Variants in ZFAT observed in about 807,000 individuals in gnomAD.
ZFAT encodes the protein zinc finger and AT-hook domain containing.
ZFAT carries 64 observed loss-of-function variants against 117.7 expected under a neutral mutation model. The observed-to-expected ratio is 0.54, with a 90% CI of 0.44 to 0.67. The LOEUF (loss-of-function observed/expected upper bound fraction) is 0.67. Ranked by LOEUF, ZFAT falls within the 30% of genes least tolerant of loss-of-function variation. The pLI, the probability that ZFAT is intolerant of heterozygous loss-of-function variation, is 0.00. For synonymous variants in ZFAT, 679 were observed against 615.0 expected (o/e 1.10, Z -1.54); for missense variants, 1,433 against 1,584.5 (o/e 0.90, Z 1.62).
In ZFAT at chr8:134,637,871, T is replaced by C. The variant is rs16905207; in HGVS notation, c.197-159A>G. Among the ~76,000 whole-genome samples, 325 of 152,326 alleles carry C rather than the reference T, an allele frequency of 2.1e-3. 2 individuals carry two copies. Among genetic ancestry groups the C allele is most frequent in the Middle Eastern group, 6.8e-3 (2 of 294 alleles). On this transcript the variant is annotated intron_variant, in intron 2 of 15. Transcript: ENST00000377838. Reference sequence around the variant, plus strand: ...CATTAACAGCTGCAAACAATTATCGTTGGTGCTAATATCATTGCATCTGTG... The same window carrying C: ...CATTAACAGCTGCAAACAATTATCGCTGGTGCTAATATCATTGCATCTGTG...
chr8:134,587,893 C>T (rs562198049), intron 9 of ZFAT, among the ~76,000 whole-genome samples: 73 of 152,188 alleles, frequency 4.8e-4, no homozygotes, highest in Admixed American at 9.2e-4. Context: ...TTCTGGAAAA[C>T]CTGCTATGCA....
intron 12 of ZFAT, among the ~76,000 whole-genome samples, chr8:134,529,426 A>C (rs911986337): frequency 4.6e-5 from 7 of 152,236 alleles, no homozygotes; most frequent in South Asian, 2.1e-4. Context: ...CTTAAACAGC[A>C]TGAAACGTGC....
At position 134,602,092 on chromosome 8, in the gene ZFAT, C is replaced by G. The variant is rs1827525908; in HGVS notation, c.1627G>C (p.Glu543Gln). 1.9e-6 allele frequency: 3 copies of G among 1,611,868 alleles called. No homozygotes were observed. The highest frequency in any genetic ancestry group is 2.5e-6 in the Non-Finnish European group (3 of 1,179,340). ...EEACPGDTQL[E>Q]EGRKEPEAPG... ...GCCTCCGGCTCCTTCCGGCCCTCCT[C>G]CAGCTGAGTGTCCCCAGGACAGGCC... The change falls in exon 6 of 16, where the codon GAG becomes CAG. Residue 543 changes from glutamate (E) to glutamine (Q), a missense_variant. Coordinates refer to ENST00000377838, the MANE Select transcript of ZFAT (RefSeq NM_020863.4).
chr8:134,588,426 C>A, intron 8 of ZFAT, 31 bp from the exon 9 acceptor site: 1 of 1,544,608 alleles, frequency 6.5e-7, no homozygotes, highest in Non-Finnish European at 8.7e-7. Flanking sequence ...CAAAAGGAGT[C>A]AGAGCACCTC....
intron 10 of ZFAT, chr8:134,565,735 A>G: frequency 2.3e-6 from 1 of 429,178 alleles, no homozygotes; most frequent in East Asian, 5.3e-5. Flanking sequence ...AGAGAAGGGC[A>G]TCAAGGGAGA....
chr8:134,535,499 C>G (rs1055324126), intron 11 of ZFAT, among the ~76,000 whole-genome samples: 31 of 127,456 alleles, frequency 2.4e-4, no homozygotes, highest in Non-Finnish European at 3.2e-4. Context: ...CCCCCTCCCC[C>G]TCCCTCTCCC....
intron 15 of ZFAT, among the ~76,000 whole-genome samples, chr8:134,506,950 T>C (rs544519807): frequency 6.6e-6 from 1 of 152,230 alleles, no homozygotes; most frequent in African/African-American, 2.4e-5. Context: ...CAATACTGAT[T>C]TGTAGGATAC....
intron 1 of ZFAT, chr8:134,696,387 T>C: frequency 1.0e-6 from 1 of 985,510 alleles, no homozygotes; most frequent in Non-Finnish European, 1.2e-6. Context: ...CACCCAGGAA[T>C]CAACAGGAAA....
the ZFAT span, chr8:134,765,615 T>G: frequency 6.6e-6 from 1 of 152,180 alleles, no homozygotes; most frequent in East Asian, 1.9e-4. Flanking sequence ...TCAGACCTTG[T>G]ACTTTACTTT....
At chr8:134,544,271 G>A (rs1156656848) in intron 11 of ZFAT, among the ~76,000 whole-genome samples, 1 of 152,172 alleles carries the variant, frequency 6.6e-6, no homozygotes, top group East Asian at 1.9e-4. Flanking sequence ...GCTCACCTAT[G>A]CTCCCCCAGC....
chr8:134,582,782 T>C (rs563675092), intron 10 of ZFAT, among the ~76,000 whole-genome samples: 4 of 152,166 alleles, frequency 2.6e-5, no homozygotes, highest in African/African-American at 4.8e-5. Context: ...CACAACAGGA[T>C]TGATTTTCAG....
intron 13 of ZFAT, among the ~76,000 whole-genome samples, chr8:134,513,978 G>A (rs376801772): frequency 3.9e-5 from 6 of 152,246 alleles, no homozygotes; most frequent in Non-Finnish European, 5.9e-5. Flanking sequence ...AGTAGATCCA[G>A]GCAATGCCTG....
At chr8:134,551,857 T>G (rs1445993958) in intron 11 of ZFAT, among the ~76,000 whole-genome samples, 1 of 152,136 alleles carries the variant, frequency 6.6e-6, no homozygotes. Context: ...ACCGACACAT[T>G]ATAAAGGCCT....
chr8:134,747,970 G>C, the ZFAT span, among the ~76,000 whole-genome samples: 1 of 152,208 alleles, frequency 6.6e-6, no homozygotes, highest in East Asian at 1.9e-4. Context: ...TAATAAATGT[G>C]CACAGTTTGT....
chr8:134,521,487 T>C lies in ZFAT; in HGVS notation c.3116-486A>G, dbSNP rs1820652502. Among the ~76,000 whole-genome samples the C allele has an allele frequency of 2.0e-5, 3 of 152,282 alleles. No individual in the cohort carries two copies. In the South Asian group the frequency reaches 6.2e-4, roughly 32 times the overall value. On this transcript the variant is annotated intron_variant, in intron 12 of 15. Coordinates refer to ENST00000377838, the MANE Select transcript of ZFAT (RefSeq NM_020863.4). ...TCAGAAGCTAAGTCATTAGCATAAA[T>C]TCCCATGCAAATTACCCAGTAAAGA...
the ZFAT span, among the ~76,000 whole-genome samples, chr8:134,822,317 TC>T: frequency 6.6e-6 from 1 of 152,110 alleles, no homozygotes; most frequent in Non-Finnish European, 1.5e-5. Flanking sequence ...TTCCTTTATT[TC>T]CTGGCACTAT....
chr8:134,818,758 T>C, the ZFAT span, among the ~76,000 whole-genome samples: 45 of 152,226 alleles, frequency 3.0e-4, 1 homozygote, highest in Admixed American at 1.1e-3. Flanking sequence ...GGAATACTAC[T>C]TACCAATAAG....
At chr8:134,716,273 G>A (rs12676719), upstream of ZFAT, among the ~76,000 whole-genome samples, 51,276 of 151,858 alleles carry the variant, frequency 0.34, 9,082 homozygotes, top group South Asian at 0.44. Flanking sequence ...TGGGTTAACA[G>A]TTAAAAATCT....
At chr8:134,727,635 T>C in the ZFAT span, among the ~76,000 whole-genome samples, 1 of 152,214 alleles carries the variant, frequency 6.6e-6, no homozygotes, top group Admixed American at 6.5e-5. Context: ...AGGGCTTTTT[T>C]TTGAGAAGTC....
Sources: gnomAD v4.1 joint callset for allele counts (sites outside exome capture counted in the v4.1 genomes callset) on GRCh38, gnomAD v4.1.1 for gene constraint, MANE v1.5 for transcripts, NCBI Gene and HGNC (gene_info 2026-07-23, HGNC 2026-07-21) for gene names.